The following UBA6 variants were observed in gnomAD, a reference collection of about 807,000 sequenced individuals.
UBA6 encodes the protein ubiquitin-like modifier-activating enzyme 6.
UBA6 carries 87 observed loss-of-function variants against 148.3 expected under a neutral mutation model. The observed-to-expected ratio is 0.59, with a 90% confidence interval of 0.49 to 0.70. UBA6 has a LOEUF of 0.70. UBA6 is among the 30% of genes least tolerant of loss of function. The pLI is 0.00. For missense variants in UBA6, 1,186 were observed against 1,241.2 expected, an observed-to-expected ratio of 0.96 and a Z score of 0.67; for synonymous variants, 376 against 401.0, an observed-to-expected ratio of 0.94 and a Z score of 0.75.
At chr4:67,662,150 C>A (rs186475065) in intron 13 of UBA6, 39 bp downstream of exon 13, 2 of 1,589,832 alleles carry the variant, frequency 1.3e-6, no homozygotes, top group Admixed American at 1.7e-5. Context: ...TATGTATTAA[C>A]AAACAAATAT....
At chr4:67,653,572 TG>T (rs199618876) in intron 13 of UBA6, among the ~76,000 whole-genome samples, 1,918 of 152,204 alleles carry the variant, frequency 0.013, 41 homozygotes, top group African/African-American at 0.042. Context: ...AATACAAAGA[TG>T]GGGAGAAACC....
Position 67,622,843 on chromosome 4 carries a change from C to G in UBA6, c.3011G>C (p.Arg1004Thr), listed in dbSNP as rs372265607. 1 of 1,610,202 alleles carries G rather than the reference C, an allele frequency of 6.2e-7. No homozygotes were observed. Among genetic ancestry groups the G allele is most frequent in the Non-Finnish European group, 8.5e-7 (1 of 1,178,588 alleles). Residue 1004 changes from arginine (R) to threonine (T), a missense_variant, in exon 32 of 33, where the codon AGA becomes ACA. By Grantham distance (71) the Arg-to-Thr change is moderately conservative. Coordinates refer to ENST00000322244, the MANE Select transcript of UBA6 (RefSeq NM_018227.6). ...YVPVMPGHAK[R>T]LKLTMHKLVK... ...GTTGAATACTTACGTTAACTTCAATCTTTTTGCATGACCAGGCATTACAGG... is the reference window on the plus strand; with the variant it reads ...GTTGAATACTTACGTTAACTTCAATGTTTTTGCATGACCAGGCATTACAGG...
chr4:67,676,363 T>C (rs918257767), intron 6 of UBA6, among the ~76,000 whole-genome samples: 9 of 152,152 alleles, frequency 5.9e-5, no homozygotes, highest in African/African-American at 2.2e-4. Flanking sequence ...AGTTTAGGAA[T>C]TTCCAGATCA....
intron 2 of UBA6, among the ~76,000 whole-genome samples, chr4:67,684,563 T>C (rs1730514140): frequency 6.6e-6 from 1 of 152,232 alleles, no homozygotes; most frequent in South Asian, 2.1e-4. Flanking sequence ...CTCTTTAATA[T>C]TTGAGAATTT....
chr4:67,658,928 G>C (rs1239151781), intron 13 of UBA6, among the ~76,000 whole-genome samples: 1 of 152,112 alleles, frequency 6.6e-6, no homozygotes, highest in Non-Finnish European at 1.5e-5. Context: ...TGTAGTGGTG[G>C]ACCCATTACT....
intron 29 of UBA6, 101 bp from the exon 30 acceptor site, chr4:67,624,354 G>C: frequency 3.6e-6 from 4 of 1,115,374 alleles, no homozygotes; most frequent in Non-Finnish European, 5.0e-6. Context: ...TTTCTCTGTG[G>C]ATAGTAAAAG....
Position 67,644,703 on chromosome 4 carries a change from C to A in UBA6, c.1471G>T (p.Gly491Ter). 6.3e-7 allele frequency: 1 copy of A among 1,585,452 alleles called. No individual in the cohort carries two copies. The change falls in exon 17 of 33, where the codon GGA becomes TGA. Residue 491 changes from glycine (G) to a stop codon, truncating the protein, a stop_gained. Coordinates refer to ENST00000322244, the MANE Select transcript of UBA6 (RefSeq NM_018227.6). LOFTEE classifies it high-confidence loss of function. ...CTCAAGAATTGATATCTTACCATTC[C>A]TTTCTCTTTGCTTGTGCCAACACCA... The part of the protein sequence containing the change: ...LLGVGTSKEK[G>*]MITVTDPDLI...
At chr4:67,699,297 G>A (rs911754069) in intron 1 of UBA6, among the ~76,000 whole-genome samples, 3 of 152,190 alleles carry the variant, frequency 2.0e-5, no homozygotes, top group Admixed American at 1.3e-4. Flanking sequence ...AAAACAATGC[G>A]ATGGCATCAA....
chr4:67,658,938 T>C (rs1729772425), intron 13 of UBA6, among the ~76,000 whole-genome samples: 2 of 152,234 alleles, frequency 1.3e-5, no homozygotes, highest in South Asian at 4.1e-4. Context: ...GACCCATTAC[T>C]GTACACTTTG....
At position 67,622,920 on chromosome 4, in the gene UBA6, C is replaced by T; in HGVS notation, c.2934G>A (p.Lys978=). ...LLDFINAVKE[K]YGIEPTMVVQ... ...CCACCATTGTTGGCTCAATTCCATA[C>T]TTCTCCTAAAAGTGAATATCCAAAA... Residue 978 remains lysine, a synonymous_variant, in exon 32 of 33, where the codon AAG becomes AAA. Transcript: ENST00000322244. 6.2e-7 allele frequency: 1 copy of T among 1,607,134 alleles called. No individual in the cohort carries two copies. The highest frequency in any genetic ancestry group is 8.5e-7 in the Non-Finnish European group (1 of 1,177,104).
intron 13 of UBA6, among the ~76,000 whole-genome samples, chr4:67,653,766 T>C (rs981558698): frequency 1.3e-5 from 2 of 152,106 alleles, no homozygotes; most frequent in African/African-American, 4.8e-5. Context: ...TCTAACCCAT[T>C]GCAAGGAAGC....
Position 67,617,058 on chromosome 4 carries a change from A to G in UBA6, c.*1939T>C, listed in dbSNP as rs1241900470. 6.6e-6 allele frequency: 1 copy of G among 152,122 alleles called. No individual in the cohort carries two copies. The highest frequency in any genetic ancestry group is 1.5e-5 in the Non-Finnish European group (1 of 67,960). The allele number at this position is 152,122 out of a possible 1,614,324, so 9.4% of individuals were successfully genotyped here. On this transcript the variant is annotated 3_prime_UTR_variant, in exon 33 of 33. Transcript: ENST00000322244. ...AAAAATGGTTGCAGGTTTAATCACAAAATGAACTTAATTTTTGTTGATTTT... is the reference window on the plus strand; with the variant it reads ...AAAAATGGTTGCAGGTTTAATCACAGAATGAACTTAATTTTTGTTGATTTT...
chr4:67,624,219 T>G lies in UBA6; in HGVS notation c.2747A>C (p.Tyr916Ser). Residue 916 changes from tyrosine (Y) to serine (S), a missense_variant, in exon 30 of 33, where the codon TAT becomes TCT. By Grantham distance (144) the Tyr-to-Ser change is moderately radical. Transcript: ENST00000322244. ...ACAATTTTTGTAAGCTTCAAATGGA[T>G]AGCCACCAGTTACTTTGATCATCTC... ...ALEMIKVTGG[Y>S]PFEAYKNCFL... 9 of 1,610,232 alleles carry G rather than the reference T, an allele frequency of 5.6e-6. No homozygotes were observed. Among genetic ancestry groups the G allele is most frequent in the Non-Finnish European group, 7.6e-6 (9 of 1,178,294 alleles).
chr4:67,633,434 C>G lies in UBA6; in HGVS notation c.2053G>C (p.Val685Leu). The G allele has an allele frequency of 6.2e-7, 1 of 1,610,454 alleles. No homozygotes were observed. Among genetic ancestry groups the G allele is most frequent in the Non-Finnish European group, 8.5e-7 (1 of 1,179,182 alleles). ...SGHSLEGCFQ[V>L]IKLLSRRPRN... ...GGTCTTCTGCTAAGTAACTTTATAA[C>G]TTGAAAACAGCCTTCTAAACTGTGT... Residue 685 changes from valine (V) to leucine (L), a missense_variant, in exon 23 of 33, where the codon GTT (valine) becomes CTT (leucine). Transcript: ENST00000322244.
chr4:67,682,497 T>G (rs554867605), intron 2 of UBA6, among the ~76,000 whole-genome samples: 1 of 152,162 alleles, frequency 6.6e-6, no homozygotes, highest in Admixed American at 6.5e-5. Context: ...TGCTCCAGAT[T>G]TGCCACAATC....
intron 19 of UBA6, among the ~76,000 whole-genome samples, chr4:67,636,204 T>C (rs572799419): frequency 6.6e-6 from 1 of 152,304 alleles, no homozygotes; most frequent in East Asian, 1.9e-4. Context: ...AAATGGTCCC[T>C]GGATGAATGA....
rs1443985613 is a variant in UBA6, at chr4:67,613,280, C to T, written c.*5717G>A. 1 of 151,970 alleles carries T rather than the reference C, an allele frequency of 6.6e-6. No individual in the cohort carries two copies. Among genetic ancestry groups the T allele is most frequent in the Non-Finnish European group, 1.5e-5 (1 of 67,990 alleles). 9.4% of individuals were successfully genotyped at this position (151,970 alleles called of 1,614,324 possible). On this transcript the variant is annotated 3_prime_UTR_variant, in exon 33 of 33. Transcript: ENST00000322244. ...TCAAGTTATTTCTAGTTTTTTCAAA[C>T]AATATTGGTAAATAATTAAAGGTAA...
chr4:67,626,632 C>T (rs1414297346), intron 27 of UBA6, among the ~76,000 whole-genome samples, 155 bp from the exon 28 acceptor site: 2 of 151,504 alleles, frequency 1.3e-5, no homozygotes, highest in Non-Finnish European at 3.0e-5. Flanking sequence ...TTATACGTTC[C>T]TTTAGAAGGT....
At chr4:67,660,668 G>C (rs933320215) in intron 13 of UBA6, among the ~76,000 whole-genome samples, 1 of 152,188 alleles carries the variant, frequency 6.6e-6, no homozygotes, top group African/African-American at 2.4e-5. Context: ...AGGATAATGT[G>C]GGGTTGGAGC....
Sources: allele counts gnomAD v4.1 joint callset (sites outside exome capture counted in the v4.1 genomes callset), GRCh38; gene constraint gnomAD v4.1.1; transcripts MANE v1.5; gene names NCBI Gene and HGNC (gene_info 2026-07-23, HGNC 2026-07-21).